The following SLC6A13 variants were observed in gnomAD, a reference collection of about 807,000 sequenced individuals.
SLC6A13 encodes solute carrier family 6 member 13.
A neutral mutation model predicts 72.9 loss-of-function variants in SLC6A13; 69 were observed. The ratio of observed to expected loss-of-function variants is 0.95; its 90% CI spans 0.78 to 1.16. The LOEUF is 1.16. Among genes scored for constraint, SLC6A13 ranks in the 50% most tolerant of loss-of-function variants. SLC6A13 has a pLI of 0.00. For missense variants in SLC6A13, 735 were observed against 760.5 expected (o/e 0.97, Z 0.39); for synonymous variants, 303 against 303.0 (o/e 1.00, Z 0.00).
intron 7 of SLC6A13, among the ~76,000 whole-genome samples, chr12:233,924 T>C (rs1261904160): frequency 2.0e-5 from 3 of 152,122 alleles, no homozygotes; most frequent in South Asian, 2.1e-4. Context: ...TGAGACCCAC[T>C]GGGGCTGCAT....
Position 221,423 on chromosome 12 carries a change from C to G in SLC6A13, c.1639G>C (p.Ala547Pro). The G allele has an allele frequency of 6.2e-7, 1 of 1,613,296 alleles. No homozygotes were observed. The highest frequency in any genetic ancestry group is 8.5e-7 in the Non-Finnish European group (1 of 1,179,656). ...GTTCCGAGTCTGTAGAGGCTCCAGG[C>G]AGGAATGCAGACCATGGAGGACAGA... Reference protein sequence around the residue: ...LALSSMVCIPAWSLYRLGTLK... With the variant: ...LALSSMVCIPPWSLYRLGTLK... The change falls in exon 14 of 15, where the codon GCC (alanine) becomes CCC (proline). Residue 547 changes from alanine to proline, a missense_variant. Coordinates refer to ENST00000343164, the MANE Select transcript of SLC6A13 (RefSeq NM_016615.5).
chr12:222,128 G>C (rs934759906), intron 13 of SLC6A13, among the ~76,000 whole-genome samples: 1 of 152,188 alleles, frequency 6.6e-6, no homozygotes, highest in Non-Finnish European at 1.5e-5. Context: ...TCCTTTATGG[G>C]ACTCTTGTGA....
chr12:232,940 T>C (rs182144937), intron 7 of SLC6A13, among the ~76,000 whole-genome samples: 1 of 152,320 alleles, frequency 6.6e-6, no homozygotes, highest in East Asian at 1.9e-4. Flanking sequence ...GGGGGAGTCA[T>C]TGCCCCTGTG....
In SLC6A13 at chr12:220,915, C is replaced by T. The variant is rs1273689089; in HGVS notation, c.*33G>A. ...TTCCCTCCACAGCCATCCCCAAGGCCAGGCACACAGGCACCATCCAAGGGC... is the reference window on the plus strand; with the variant it reads ...TTCCCTCCACAGCCATCCCCAAGGCTAGGCACACAGGCACCATCCAAGGGC... On this transcript the variant is annotated 3_prime_UTR_variant, in exon 15 of 15. Transcript: ENST00000343164. The T allele has an allele frequency of 1.9e-6, 3 of 1,609,020 alleles. No individual in the cohort carries two copies. In the East Asian group the frequency reaches 6.7e-5, roughly 36 times the overall value.
At chr12:242,291 G>A (rs776888240) in intron 4 of SLC6A13, among the ~76,000 whole-genome samples, 9 of 152,108 alleles carry the variant, frequency 5.9e-5, no homozygotes, top group Non-Finnish European at 4.4e-5. Flanking sequence ...ACGTACCAGA[G>A]AGAAGATACG....
chr12:250,276 G>A lies in SLC6A13; in HGVS notation c.203-6463C>T, dbSNP rs910851147. Among the ~76,000 whole-genome samples the A allele has an allele frequency of 3.9e-5, 6 of 152,228 alleles. 1 individual carries two copies. Among genetic ancestry groups the A allele is most frequent in the Admixed American group, 3.3e-4 (5 of 15,288 alleles). On this transcript the variant is annotated intron_variant, in intron 2 of 14. Coordinates refer to ENST00000343164, the MANE Select transcript of SLC6A13 (RefSeq NM_016615.5). ...ATTCAATACTGTACTGGGGATTCTA[G>A]CCATAGAATCTAGCCAATAAGGCAA...
intron 7 of SLC6A13, among the ~76,000 whole-genome samples, chr12:234,404 T>C (rs2137277980): frequency 6.6e-6 from 1 of 152,272 alleles, no homozygotes; most frequent in South Asian, 2.1e-4. Context: ...AATCAAGAAA[T>C]AACCATAAAA....
chr12:253,005 T>C (rs947205259), intron 2 of SLC6A13, among the ~76,000 whole-genome samples: 2 of 152,220 alleles, frequency 1.3e-5, no homozygotes, highest in African/African-American at 4.8e-5. Flanking sequence ...TGAAGGGCAT[T>C]CTGCCTCTTC....
intron 11 of SLC6A13, chr12:223,684 G>T (rs954372624): frequency 2.1e-5 from 8 of 387,692 alleles, no homozygotes; most frequent in African/African-American, 1.6e-4. Flanking sequence ...TGGTTCAGCT[G>T]CCTGGGAAAT....
chr12:222,793 C>A (rs1444295670), intron 12 of SLC6A13, among the ~76,000 whole-genome samples, 161 bp from the exon 13 acceptor site: 1 of 152,130 alleles, frequency 6.6e-6, no homozygotes, highest in Non-Finnish European at 1.5e-5. Context: ...TCTTCCCTGG[C>A]ATTCATAGGC....
In SLC6A13 at chr12:224,393, C is replaced by G. The variant is rs571217405; in HGVS notation, c.1173+8G>C. 2 of 1,611,684 alleles carry G rather than the reference C, an allele frequency of 1.2e-6. No homozygotes were observed. The highest frequency in any genetic ancestry group is 1.7e-6 in the Non-Finnish European group (2 of 1,177,840). ...TCTCTCAGCCTCTGAGTGGCTGCCT[C>G]TTGATACCTGGCTATCCAGTCCCAG... On this transcript the variant is annotated splice_region_variant and intron_variant, in intron 10 of 14. Coordinates refer to ENST00000343164, the MANE Select transcript of SLC6A13 (RefSeq NM_016615.5).
intron 5 of SLC6A13, 61 bp from the exon 6 acceptor site, chr12:237,351 G>A (rs552911650): frequency 4.9e-5 from 78 of 1,584,910 alleles, no homozygotes; most frequent in African/African-American, 3.6e-4. Context: ...TTGTGGCCCC[G>A]TCCTGGGACA....
chr12:235,324 G>T, intron 6 of SLC6A13, 100 bp from the exon 7 acceptor site: 3 of 1,196,504 alleles, frequency 2.5e-6, no homozygotes, highest in Non-Finnish European at 3.7e-6. Context: ...CTCAGAAAAG[G>T]TCAAGGGAGT....
In SLC6A13 at chr12:223,975, G is replaced by A. The variant is rs200407559; in HGVS notation, c.1311+17C>T. ...GGCTCCTCCTCCCCAGCCTTCCCCC[G>A]CTTCCCAGGCCCTCACCTCTGTGAG... On this transcript the variant is annotated intron_variant, in intron 11 of 14. Transcript: ENST00000343164. The A allele has an allele frequency of 1.2e-4, 193 of 1,596,322 alleles. 1 individual carries two copies. Among genetic ancestry groups the A allele is most frequent in the South Asian group, 7.8e-4 (70 of 89,544 alleles).
intron 2 of SLC6A13, among the ~76,000 whole-genome samples, chr12:247,421 G>C (rs1420050775): frequency 6.6e-6 from 1 of 152,150 alleles, no homozygotes; most frequent in African/African-American, 2.4e-5. Flanking sequence ...AGAAGACAGT[G>C]ATAAGGAAGC....
At chr12:229,988 G>C (rs1006028495) in intron 7 of SLC6A13, among the ~76,000 whole-genome samples, 1 of 152,128 alleles carries the variant, frequency 6.6e-6, no homozygotes, top group Non-Finnish European at 1.5e-5. Flanking sequence ...CAGAGCGCAA[G>C]GGTCAATGCA....
Position 235,122 on chromosome 12 carries a change from A to G in SLC6A13, c.799T>C (p.Tyr267His). Residue 267 changes from tyrosine to histidine, a missense_variant, in exon 7 of 15, where the codon TAC becomes CAC. By Grantham distance (83) the Tyr-to-His change is moderately conservative. Coordinates refer to ENST00000343164, the MANE Select transcript of SLC6A13 (RefSeq NM_016615.5). ...TCCCACAGACGCGTGAGGTTTGGGT[A>G]CAGGTAAAACTGAATTCCTTGGGCT... is the stretch of plus-strand genomic sequence containing the variant. ...GAAQGIQFYL[Y>H]PNLTRLWDPQ... The G allele has an allele frequency of 6.2e-7, 1 of 1,614,240 alleles. No homozygotes were observed. Among genetic ancestry groups the G allele is most frequent in the Non-Finnish European group, 8.5e-7 (1 of 1,180,022 alleles).
At chr12:234,895 C>T (rs1006245561) in intron 7 of SLC6A13, among the ~76,000 whole-genome samples, 195 bp downstream of exon 7, 1 of 150,932 alleles carries the variant, frequency 6.6e-6, no homozygotes, top group African/African-American at 2.5e-5. Flanking sequence ...GTCCAAGAAC[C>T]CTCTCTTGGG....
chr12:258,742 G>T (rs1942828500), intron 2 of SLC6A13, among the ~76,000 whole-genome samples: 1 of 152,196 alleles, frequency 6.6e-6, no homozygotes, highest in Non-Finnish European at 1.5e-5. Context: ...ACTGCTGTGG[G>T]GATAGCAGAG....
Sources: allele counts gnomAD v4.1 joint callset (sites outside exome capture counted in the v4.1 genomes callset), GRCh38; gene constraint gnomAD v4.1.1; transcripts MANE v1.5; gene names NCBI Gene and HGNC (gene_info 2026-07-23, HGNC 2026-07-21).